Variants in ANKRD40 observed in about 807,000 individuals in gnomAD.
The protein encoded by ANKRD40 is ankyrin repeat domain 40, also known as ankyrin repeat domain-containing protein 40.
A neutral mutation model predicts 35.5 loss-of-function variants in ANKRD40; 24 were observed. That is an observed-to-expected ratio of 0.68 (90% CI 0.49 to 0.95). The LOEUF (loss-of-function observed/expected upper bound fraction) is 0.95, where lower values mean the gene tolerates loss of function less well. ANKRD40 is among the 40% of genes least tolerant of loss of function. The pLI is 0.00. For synonymous variants in ANKRD40, 147 were observed against 173.5 expected, an observed-to-expected ratio of 0.85 and a Z score of 1.20; for missense variants, 361 against 436.0, an observed-to-expected ratio of 0.83 and a Z score of 1.53.
rs1968154721 is a variant in ANKRD40 at position 50,693,477 on chromosome 17, CAG to C, written c.*2518_*2519del. Reference sequence around the variant, plus strand: ...TTATTCCACTGCGATACGCAGTAGTCAGTTGACCACAGAGGATTTTATAAAGG... The same window carrying C: ...TTATTCCACTGCGATACGCAGTAGTCTTGACCACAGAGGATTTTATAAAGG... On this transcript the variant is annotated 3_prime_UTR_variant, in exon 5 of 5. Transcript: ENST00000285243. The C allele has an allele frequency of 3.3e-5, 5 of 152,258 alleles. No individual in the cohort carries two copies. The highest frequency in any genetic ancestry group is 3.3e-4 in the Admixed American group (5 of 15,288). The allele number at this position is 152,258 out of a possible 1,614,324, so 9.4% of individuals were successfully genotyped here.
At position 50,694,357 on chromosome 17, in the gene ANKRD40, C is replaced by A. The variant is rs770446180; in HGVS notation, c.*1640G>T. ...CAGCATTTAGGCAGCAGCAGGAGGC[C>A]ATTATCTTAGCACAACATTCTCTTC... On this transcript the variant is annotated 3_prime_UTR_variant, in exon 5 of 5. Coordinates refer to ENST00000285243, the MANE Select transcript of ANKRD40 (RefSeq NM_052855.4). 1 of 152,136 alleles carries A rather than the reference C, an allele frequency of 6.6e-6. No homozygotes were observed. Among genetic ancestry groups the A allele is most frequent in the African/African-American group, 2.4e-5 (1 of 41,402 alleles). 9.4% of individuals were successfully genotyped at this position (152,136 alleles called of 1,614,324 possible). A position where few individuals can be genotyped will look rare whatever the true frequency, so the allele number is the denominator to read the frequency against.
intron 4 of ANKRD40, 75 bp downstream of exon 4, chr17:50,696,865 C>T (rs1567842837): frequency 7.5e-7 from 1 of 1,331,732 alleles, no homozygotes; most frequent in Non-Finnish European, 1.0e-6. Flanking sequence ...CCCTCAACTA[C>T]CTCATATAAC....
intron 1 of ANKRD40, among the ~76,000 whole-genome samples, chr17:50,705,036 C>G: frequency 6.7e-6 from 1 of 149,952 alleles, no homozygotes; most frequent in Non-Finnish European, 1.5e-5. Context: ...ATGGCGTGAA[C>G]CCAGGAGGCA....
chr17:50,699,742 A>G lies in ANKRD40; in HGVS notation c.435T>C (p.Asn145=). 6.2e-7 allele frequency: 1 copy of G among 1,612,194 alleles called. No homozygotes were observed. The highest frequency in any genetic ancestry group is 2.2e-5 in the East Asian group (1 of 44,834). ...ATGCAGGGGGTGTGGAGGGGCCCCC[A>G]TTCTGCATCTGGGCTGAATCCTCTG... ...PTAEDSAQMQ[N]GGPSTPPASP... Residue 145 remains asparagine, a synonymous_variant, in exon 3 of 5, where the codon AAT becomes AAC. Transcript: ENST00000285243.
chr17:50,699,302 T>C (rs1300692093), intron 3 of ANKRD40, 97 bp downstream of exon 3: 25 of 1,472,090 alleles, frequency 1.7e-5, no homozygotes, highest in Non-Finnish European at 2.3e-5. Context: ...GTAACGTTTC[T>C]GTAAGTTTGC....
At chr17:50,698,985 C>CAAAA (rs5820829) in intron 3 of ANKRD40, among the ~76,000 whole-genome samples, 7 of 69,602 alleles carry the variant, frequency 1.0e-4, no homozygotes, top group Admixed American at 3.6e-4. Flanking sequence ...ACTAAAAATA[C>CAAAA]AAAAAAAAAA....
chr17:50,707,637 C>T lies in ANKRD40; in HGVS notation c.18G>A (p.Glu6=). Residue 6 remains glutamate, a synonymous_variant, in exon 1 of 5, where the codon GAG becomes GAA. Coordinates refer to ENST00000285243, the MANE Select transcript of ANKRD40 (RefSeq NM_052855.4). This position sits in a 1 kb window ranked among gnomAD's most constrained non-coding sequence, Gnocchi z 4.8. MNALL[E]QKEQQERLRE... ...GCAGCCTCTCCTGCTGCTCCTTCTG[C>T]TCTAGGAGGGCGTTCATCTTCCCAC... 6.3e-7 allele frequency: 1 copy of T among 1,579,864 alleles called. No individual in the cohort carries two copies. Among genetic ancestry groups the T allele is most frequent in the South Asian group, 1.1e-5 (1 of 88,342 alleles).
At chr17:50,698,731 A>G (rs999254419) in intron 3 of ANKRD40, among the ~76,000 whole-genome samples, 4 of 152,210 alleles carry the variant, frequency 2.6e-5, no homozygotes, top group African/African-American at 9.7e-5. Flanking sequence ...ATGAGGGAAT[A>G]CAAAAGGCAA....
Position 50,707,766 on chromosome 17 carries a change from G to C in ANKRD40, c.-112C>G, listed in dbSNP as rs1968360327. On this transcript the variant is annotated 5_prime_UTR_variant, in exon 1 of 5. Coordinates refer to ENST00000285243, the MANE Select transcript of ANKRD40 (RefSeq NM_052855.4). This position sits in a 1 kb window ranked among gnomAD's most constrained non-coding sequence, Gnocchi z 4.8. ...CTCCCGGCCATGGGGAGGGAGCGCG[G>C]AACTCGCCCGCCCTGCTCGCGCCGC... 1.3e-6 allele frequency: 1 copy of C among 755,800 alleles called. No homozygotes were observed. The highest frequency in any genetic ancestry group is 1.7e-6 in the Non-Finnish European group (1 of 600,658). 46.8% of individuals were successfully genotyped at this position (755,800 alleles called of 1,614,324 possible).
chr17:50,696,848 G>T, intron 4 of ANKRD40, 92 bp downstream of exon 4: 3 of 1,153,460 alleles, frequency 2.6e-6, no homozygotes, highest in Admixed American at 2.8e-5. Context: ...TCTATTCTTT[G>T]TTTATTCCCT....
chr17:50,695,829 T>C lies in ANKRD40; in HGVS notation c.*168A>G. 1 of 690,802 alleles carries C rather than the reference T, an allele frequency of 1.4e-6. No individual in the cohort carries two copies. The allele number at this position is 690,802 out of a possible 1,614,324, so 42.8% of individuals were successfully genotyped here. A position where few individuals can be genotyped will look rare whatever the true frequency, so the allele number is the denominator to read the frequency against. On this transcript the variant is annotated 3_prime_UTR_variant, in exon 5 of 5. Transcript: ENST00000285243. The stretch of plus-strand genomic sequence containing the variant: ...AAGAGGCTTGGAAGAGTGGCACCAC[T>C]GCTTGGGGGTCAGGGGCTTCCTACC...
At chr17:50,697,390 T>C (rs1968212654) in intron 3 of ANKRD40, among the ~76,000 whole-genome samples, 1 of 152,166 alleles carries the variant, frequency 6.6e-6, no homozygotes, top group African/African-American at 2.4e-5. Flanking sequence ...CCATTCCAGC[T>C]ATGTAGAAGG....
chr17:50,702,308 G>A (rs1044149039), intron 1 of ANKRD40, among the ~76,000 whole-genome samples: 4 of 152,076 alleles, frequency 2.6e-5, no homozygotes, highest in African/African-American at 7.2e-5. Flanking sequence ...GCTGAGGCAG[G>A]AGAATTGCTT....
chr17:50,699,869 T>C lies in ANKRD40; in HGVS notation c.308A>G (p.Asp103Gly). ...CAGCTGGGGGAGGTTGTCATCATCATCATCATCATCATCTTCTTCTTCCAC... is the reference window on the plus strand; with the variant it reads ...CAGCTGGGGGAGGTTGTCATCATCACCATCATCATCATCTTCTTCTTCCAC... Reference protein sequence around the residue: ...MGVEEEDDDDDDDDNLPQLKK... With the variant: ...MGVEEEDDDDGDDDNLPQLKK... Residue 103 changes from aspartate to glycine, a missense_variant, in exon 3 of 5, where the codon GAT (aspartate) becomes GGT (glycine). Coordinates refer to ENST00000285243, the MANE Select transcript of ANKRD40 (RefSeq NM_052855.4). 7 of 1,512,464 alleles carry C rather than the reference T, an allele frequency of 4.6e-6. No individual in the cohort carries two copies. The highest frequency in any genetic ancestry group is 5.3e-6 in the Non-Finnish European group (6 of 1,131,204). The allele number at this position is 1,512,464 out of a possible 1,614,324, so 93.7% of individuals were successfully genotyped here.
At chr17:50,698,286 A>G (rs1968223701) in intron 3 of ANKRD40, among the ~76,000 whole-genome samples, 1 of 152,148 alleles carries the variant, frequency 6.6e-6, no homozygotes. Flanking sequence ...CAATGAAGAC[A>G]CATGCAAGGG....
Position 50,700,557 on chromosome 17 carries a change from C to A in ANKRD40, c.283+11G>T. 1.9e-6 allele frequency: 3 copies of A among 1,612,318 alleles called. No individual in the cohort carries two copies. Among genetic ancestry groups the A allele is most frequent in the Non-Finnish European group, 2.5e-6 (3 of 1,178,924 alleles). Reference sequence around the variant, plus strand: ...TGAGGAAATCAAAAGTTCCCCCAAACACAGACTCACCTCCCATAATCTTCC... The same window carrying A: ...TGAGGAAATCAAAAGTTCCCCCAAAAACAGACTCACCTCCCATAATCTTCC... On this transcript the variant is annotated intron_variant, in intron 2 of 4. Coordinates refer to ENST00000285243, the MANE Select transcript of ANKRD40 (RefSeq NM_052855.4).
intron 1 of ANKRD40, among the ~76,000 whole-genome samples, chr17:50,704,443 G>C (rs544379498): frequency 6.7e-6 from 1 of 150,156 alleles, no homozygotes; most frequent in South Asian, 2.1e-4. Context: ...TTGAACCCAG[G>C]AGGTGGAGGA....
chr17:50,707,753 G>A lies in ANKRD40; in HGVS notation c.-99C>T. On this transcript the variant is annotated 5_prime_UTR_variant, in exon 1 of 5. Transcript: ENST00000285243. This position sits in a 1 kb window ranked among gnomAD's most constrained non-coding sequence, Gnocchi z 4.8. ...TCGCCGCGGCCCGCTCCCGGCCATG[G>A]GGAGGGAGCGCGGAACTCGCCCGCC... 1.1e-6 allele frequency: 1 copy of A among 909,894 alleles called. No individual in the cohort carries two copies. The highest frequency in any genetic ancestry group is 1.4e-6 in the Non-Finnish European group (1 of 732,648). 56.4% of individuals were successfully genotyped at this position (909,894 alleles called of 1,614,324 possible). A position where few individuals can be genotyped will look rare whatever the true frequency, so the allele number is the denominator to read the frequency against.
rs754737376 is a variant in ANKRD40, at chr17:50,699,684, G to C, written c.493C>G (p.Pro165Ala). ...CCTAACAGGGGAGGTTCCCCAGGGG[G>C]AAGCAATGGAGGTGAGCCATCTGCA... ...PPADGSPPLL[P>A]PGEPPLLGTF... is the part of the protein sequence containing the mutation. The change falls in exon 3 of 5, where the codon CCC becomes GCC. Residue 165 changes from proline (P) to alanine (A), a missense_variant. Around this residue, in one of 5 missense-constraint regions of ANKRD40, gnomAD observed 172 missense variants for 174.0 expected, o/e 0.99. Transcript: ENST00000285243. 24 of 1,614,078 alleles carry C rather than the reference G, an allele frequency of 1.5e-5. No homozygotes were observed. Among genetic ancestry groups the C allele is most frequent in the Non-Finnish European group, 2.0e-5 (24 of 1,180,036 alleles).
Sources: gnomAD v4.1 joint callset for allele counts (sites outside exome capture counted in the v4.1 genomes callset) on GRCh38, gnomAD v4.1.1 for gene constraint, gnomAD v4.1.1 regional missense constraint, Gnocchi (gnomAD v3.1) non-coding constraint, MANE v1.5 for transcripts, NCBI Gene and HGNC (gene_info 2026-07-23, HGNC 2026-07-21) for gene names.